Variants in DDX18 observed in about 807,000 individuals in gnomAD.
DDX18 encodes DEAD-box helicase 18, also known as ATP-dependent RNA helicase DDX18.
DDX18 carries 23 observed loss-of-function variants against 73.5 expected under a neutral mutation model. That is an observed-to-expected ratio of 0.31 (90% CI 0.23 to 0.44). The LOEUF is 0.44. Among genes scored for constraint, DDX18 ranks in the 20% least tolerant of loss-of-function variants. The pLI is 1.00. For synonymous variants in DDX18, 268 were observed against 282.7 expected, an observed-to-expected ratio of 0.95 and a Z score of 0.52; for missense variants, 753 against 792.9, an observed-to-expected ratio of 0.95 and a Z score of 0.60.
rs146456360 is a variant in DDX18, at chr2:117,825,505, C to T, written c.1427C>T (p.Ser476Leu). 6.4e-5 allele frequency: 103 copies of T among 1,614,126 alleles called. No individual in the cohort carries two copies. In the African/African-American group the frequency reaches 1.2e-3, roughly 19 times the overall value. The stretch of plus-strand genomic sequence containing the variant: ...TTCTTCCAGTTCTGCAATGCAGATT[C>T]GGGAACACTATTGTGTACGGATGTG... The part of the protein sequence containing the change: ...TTFFQFCNAD[S>L]GTLLCTDVAA... The change falls in exon 10 of 14, where the codon TCG becomes TTG. Residue 476 changes from serine to leucine, a missense_variant. By Grantham distance (145) the Ser-to-Leu change is moderately radical (BLOSUM62 -2). Around this residue, in one of 3 missense-constraint regions of DDX18, gnomAD observed 402 missense variants for 419.4 expected, o/e 0.96. Coordinates refer to ENST00000263239, the MANE Select transcript of DDX18 (RefSeq NM_006773.4).
intron 9 of DDX18, 104 bp from the exon 10 acceptor site, chr2:117,825,343 C>T (rs1476168226): frequency 7.5e-7 from 1 of 1,341,118 alleles, no homozygotes; most frequent in African/African-American, 2.3e-5. Flanking sequence ...GGACATAGGC[C>T]AAGGGATGAG....
chr2:117,825,283 G>A (rs1679906180), intron 9 of DDX18, among the ~76,000 whole-genome samples, 164 bp from the exon 10 acceptor site: 3 of 152,148 alleles, frequency 2.0e-5, no homozygotes, highest in African/African-American at 7.2e-5. Context: ...CTTTCGAAGA[G>A]TGCAAGACAC....
chr2:117,825,126 G>A, intron 9 of DDX18, 25 bp downstream of exon 9: 2 of 1,599,276 alleles, frequency 1.3e-6, no homozygotes, highest in Non-Finnish European at 1.7e-6. Flanking sequence ...TGAGCTCATT[G>A]AAAACAGGGT....
chr2:117,822,253 T>C lies in DDX18; in HGVS notation c.1058T>C (p.Leu353Pro), dbSNP rs751821298. The C allele has an allele frequency of 1.2e-6, 2 of 1,611,814 alleles. No individual in the cohort carries two copies. The highest frequency in any genetic ancestry group is 1.7e-6 in the Non-Finnish European group (2 of 1,179,252). ...FEEELKQIIKLLPTRRQTMLF... is the reference protein window; with the variant it reads ...FEEELKQIIKPLPTRRQTMLF... The stretch of plus-strand genomic sequence containing the variant: ...GAGGAATTAAAGCAAATTATTAAAC[T>C]TTTGCCAAGTAAGTAGGTAGCATCT... The change falls in exon 7 of 14, where the codon CTT becomes CCT. Residue 353 changes from leucine (L) to proline (P), a missense_variant. Transcript: ENST00000263239.
At position 117,829,460 on chromosome 2, in the gene DDX18, G is replaced by A; in HGVS notation, c.1864G>A (p.Asp622Asn). The A allele has an allele frequency of 1.2e-6, 2 of 1,608,660 alleles. No homozygotes were observed. The highest frequency in any genetic ancestry group is 2.2e-5 in the East Asian group (1 of 44,856). ...TGGTTTCAAGGTGCCTCCCTTCGTT[G>A]ATCTGAGTATCCTTTTCTTTAATGA... ...SFGFKVPPFVDLNVNSNEGKQ... is the reference protein window; with the variant it reads ...SFGFKVPPFVNLNVNSNEGKQ... The change falls in exon 13 of 14, where the codon GAT (aspartate) becomes AAT (asparagine). Residue 622 changes from aspartate (D) to asparagine (N), a missense_variant. Asp to Asn is a conservative substitution (Grantham distance 23). Around this residue, in one of 3 missense-constraint regions of DDX18, gnomAD observed 402 missense variants for 419.4 expected, o/e 0.96. Coordinates refer to ENST00000263239, the MANE Select transcript of DDX18 (RefSeq NM_006773.4).
intron 10 of DDX18, chr2:117,826,053 T>TTG (rs1679921351): frequency 3.6e-6 from 1 of 278,390 alleles, no homozygotes; most frequent in Non-Finnish European, 6.5e-6. Context: ...TTTTTTTTTT[T>TTG]TTTTTTTTTG....
chr2:117,829,401 A>G lies in DDX18; in HGVS notation c.1805A>G (p.Asn602Ser). ...TCTCTGAAACAGATCTTTAATGTTA[A>G]TAACCTAAATTTGCCTCAGGTTGCT... is the stretch of plus-strand genomic sequence containing the variant. ...SHSLKQIFNVNNLNLPQVALS... is the reference protein window; with the variant it reads ...SHSLKQIFNVSNLNLPQVALS... The change falls in exon 13 of 14, where the codon AAT (asparagine) becomes AGT (serine). Residue 602 changes from asparagine (N) to serine (S), a missense_variant. Around this residue, in one of 3 missense-constraint regions of DDX18, gnomAD observed 402 missense variants for 419.4 expected, o/e 0.96. Transcript: ENST00000263239. The G allele has an allele frequency of 2.5e-6, 4 of 1,614,162 alleles. No individual in the cohort carries two copies. The highest frequency in any genetic ancestry group is 2.2e-5 in the South Asian group (2 of 91,068).
Position 117,830,750 on chromosome 2 carries a change from T to TC in DDX18, c.*26_*27insC, listed in dbSNP as rs1291641074. The TC allele has an allele frequency of 6.2e-7, 1 of 1,605,290 alleles. No individual in the cohort carries two copies. The highest frequency in any genetic ancestry group is 8.5e-7 in the Non-Finnish European group (1 of 1,177,930). On this transcript the variant is annotated 3_prime_UTR_variant, in exon 14 of 14. Coordinates refer to ENST00000263239, the MANE Select transcript of DDX18 (RefSeq NM_006773.4). ...ACACATGCCTTCCTTTCATCTTGAA[T>TC]AACTTTGTCCTAAAATGAATTTTTT...
Position 117,830,593 on chromosome 2 carries a change from A to G in DDX18, c.1882A>G (p.Asn628Asp). Reference sequence around the variant, plus strand: ...ATGTTTGCCTCCAGACGTCAACAGTAATGAAGGCAAGCAGAAAAAGCGAGG... The same window carrying G: ...ATGTTTGCCTCCAGACGTCAACAGTGATGAAGGCAAGCAGAAAAAGCGAGG... ...PPFVDLNVNS[N>D]EGKQKKRGGG... The change falls in exon 14 of 14, where the codon AAT (asparagine) becomes GAT (aspartate). Residue 628 changes from asparagine (N) to aspartate (D), a missense_variant. Asn to Asp is a conservative substitution (Grantham distance 23). Around this residue, in one of 3 missense-constraint regions of DDX18, gnomAD observed 402 missense variants for 419.4 expected, o/e 0.96. Transcript: ENST00000263239. 6.2e-7 allele frequency: 1 copy of G among 1,613,640 alleles called. No individual in the cohort carries two copies. The highest frequency in any genetic ancestry group is 2.2e-5 in the East Asian group (1 of 44,872).
chr2:117,827,418 A>G (rs1484574115), intron 11 of DDX18: 4 of 152,068 alleles, frequency 2.6e-5, no homozygotes, highest in East Asian at 1.9e-4. Flanking sequence ...TTCATGTGCC[A>G]TGTTGGTGTG....
At position 117,825,595 on chromosome 2, in the gene DDX18, C is replaced by G. The variant is rs891249495; in HGVS notation, c.1517C>G (p.Pro506Arg). Reference sequence around the variant, plus strand: ...GTTCAGTATGACCCTCCGGATGACCCTAAGGTAACTGGCATCTTTGGAATA... The same window carrying G: ...GTTCAGTATGACCCTCCGGATGACCGTAAGGTAACTGGCATCTTTGGAATA... ...WIVQYDPPDDPKEYIHRVGRT... is the reference protein window; with the variant it reads ...WIVQYDPPDDRKEYIHRVGRT... The change falls in exon 10 of 14, where the codon CCT (proline) becomes CGT (arginine). Residue 506 changes from proline (P) to arginine (R), a missense_variant. By Grantham distance (103) the Pro-to-Arg change is moderately radical. Coordinates refer to ENST00000263239, the MANE Select transcript of DDX18 (RefSeq NM_006773.4). 1 of 1,612,076 alleles carries G rather than the reference C, an allele frequency of 6.2e-7. No individual in the cohort carries two copies. Among genetic ancestry groups the G allele is most frequent in the Middle Eastern group, 1.7e-4 (1 of 6,052 alleles).
chr2:117,829,230 T>C, intron 12 of DDX18, 59 bp from the exon 13 acceptor site: 4 of 1,503,764 alleles, frequency 2.7e-6, no homozygotes, highest in Non-Finnish European at 3.6e-6. Flanking sequence ...TAAAATCTGG[T>C]GTTTTGGAGG....
Position 117,825,552 on chromosome 2 carries a change from C to G in DDX18, c.1474C>G (p.Pro492Ala), listed in dbSNP as rs772744602. 3 of 1,614,024 alleles carry G rather than the reference C, an allele frequency of 1.9e-6. No individual in the cohort carries two copies. Among genetic ancestry groups the G allele is most frequent in the African/African-American group, 2.7e-5 (2 of 74,912 alleles). The stretch of plus-strand genomic sequence containing the variant: ...TGTGGCAGCGAGAGGACTAGACATT[C>G]CTGAAGTCGACTGGATTGTTCAGTA... ...TDVAARGLDIPEVDWIVQYDP... is the reference protein window; with the variant it reads ...TDVAARGLDIAEVDWIVQYDP... Residue 492 changes from proline (P) to alanine (A), a missense_variant, in exon 10 of 14, where the codon CCT (proline) becomes GCT (alanine). Pro to Ala is a conservative substitution (Grantham distance 27). Transcript: ENST00000263239.
At chr2:117,829,240 GT>G (rs745782530) in intron 12 of DDX18, 48 bp from the exon 13 acceptor site, 2 of 1,532,218 alleles carry the variant, frequency 1.3e-6, no homozygotes, top group African/African-American at 2.8e-5. Flanking sequence ...TGTTTTGGAG[GT>G]TTTTGTTTGT....
At chr2:117,818,380 G>T (rs1403811237) in intron 2 of DDX18, among the ~76,000 whole-genome samples, 1 of 152,186 alleles carries the variant, frequency 6.6e-6, no homozygotes, top group Non-Finnish European at 1.5e-5. Context: ...CATATGACCT[G>T]CAAAGCCTAA....
chr2:117,819,776 G>A lies in DDX18; in HGVS notation c.498G>A (p.Leu166=), dbSNP rs750919150. ...NDEDESEVPS[L]PLGLTGAFED... ...AAGATGAGAGTGAGGTGCCCAGTCT[G>A]CCCCTGGGACTGACAGGTAACGTCC... The change falls in exon 3 of 14, where the codon CTG becomes CTA. Residue 166 remains leucine, a synonymous_variant. Coordinates refer to ENST00000263239, the MANE Select transcript of DDX18 (RefSeq NM_006773.4). 4 of 1,591,284 alleles carry A rather than the reference G, an allele frequency of 2.5e-6. No individual in the cohort carries two copies. In the South Asian group the frequency reaches 3.5e-5, roughly 14 times the overall value.
chr2:117,821,806 G>A, intron 5 of DDX18, 56 bp downstream of exon 5: 3 of 1,613,302 alleles, frequency 1.9e-6, no homozygotes, highest in African/African-American at 1.3e-5. Flanking sequence ...TATTGTAGCT[G>A]TTACGGACTC....
chr2:117,829,123 A>C, intron 12 of DDX18, 118 bp downstream of exon 12: 1 of 1,134,486 alleles, frequency 8.8e-7, no homozygotes, highest in Non-Finnish European at 1.3e-6. Flanking sequence ...AGTGAGGATC[A>C]GGCTGTGTAG....
Position 117,825,445 on chromosome 2 carries a change from A to G in DDX18, c.1369-2A>G. ...CTAATGGATGTTTTTATTTAATTCT[A>G]GGGAAAGCAAAAGCAAAATAAGCGT... On this transcript the variant is annotated splice_acceptor_variant, in intron 9 of 13. Transcript: ENST00000263239. LOFTEE classifies it high-confidence loss of function. The G allele has an allele frequency of 1.9e-6, 3 of 1,610,274 alleles. No individual in the cohort carries two copies. Among genetic ancestry groups the G allele is most frequent in the Non-Finnish European group, 2.5e-6 (3 of 1,176,936 alleles).
Sources: allele counts gnomAD v4.1 joint callset (sites outside exome capture counted in the v4.1 genomes callset), GRCh38; gene constraint gnomAD v4.1.1; regional missense constraint gnomAD v4.1.1; transcripts MANE v1.5; gene names NCBI Gene and HGNC (gene_info 2026-07-23, HGNC 2026-07-21).